The following EDA variants were observed in gnomAD, a reference collection of about 807,000 sequenced individuals.
EDA encodes ectodysplasin-A.
A neutral mutation model predicts 23.6 loss-of-function variants in EDA; 2 were observed. The ratio of observed to expected loss-of-function variants is 0.08; its 90% confidence interval spans 0.03 to 0.27. The LOEUF (loss-of-function observed/expected upper bound fraction) is 0.27. EDA is among the 10% of genes least tolerant of loss of function. The pLI, the probability that EDA is intolerant of heterozygous loss-of-function variation, is 1.00. For synonymous variants in EDA, 131 were observed against 132.0 expected (o/e 0.99, Z 0.05); for missense variants, 229 against 324.2 (o/e 0.71, Z 2.26).
At chrX:69,976,766 GA>G (rs1369300278) in intron 2 of EDA, among the ~76,000 whole-genome samples, 32 of 109,193 alleles carry the variant, frequency 2.9e-4, no homozygotes, top group African/African-American at 1.0e-3. Flanking sequence ...GTGACAGGGG[GA>G]GGGGGGGTGG....
intron 1 of EDA, among the ~76,000 whole-genome samples, chrX:69,821,520 G>T (rs1174139401): frequency 8.9e-6 from 1 of 112,045 alleles, no homozygotes; most frequent in Non-Finnish European, 1.9e-5. Context: ...GATCTTAAAT[G>T]GTTAGTCTCA....
intron 1 of EDA, among the ~76,000 whole-genome samples, chrX:69,668,585 AT>A (rs1387153606): frequency 1.8e-5 from 2 of 110,623 alleles, no homozygotes; most frequent in South Asian, 7.7e-4. Context: ...GTTCCCTACT[AT>A]TTTTTTTGGA....
chrX:70,014,702 C>T (rs1280449538), intron 2 of EDA, among the ~76,000 whole-genome samples: 3 of 112,069 alleles, frequency 2.7e-5, no homozygotes, highest in Admixed American at 1.9e-4. Context: ...ATGAAATAGA[C>T]ATTTTAAGAA....
intron 1 of EDA, among the ~76,000 whole-genome samples, chrX:69,659,786 T>C (rs938804617): frequency 2.7e-5 from 3 of 111,815 alleles, no homozygotes; most frequent in Non-Finnish European, 5.6e-5. Flanking sequence ...CTAAATGATC[T>C]GACTTTGTTC....
chrX:69,705,644 T>G (rs2011690351), intron 1 of EDA, among the ~76,000 whole-genome samples: 1 of 112,100 alleles, frequency 8.9e-6, no homozygotes, highest in Non-Finnish European at 1.9e-5. Flanking sequence ...CAAACTGAGG[T>G]AAATAGAGTG....
At chrX:69,816,862 C>T (rs2016093028) in intron 1 of EDA, among the ~76,000 whole-genome samples, 1 of 110,766 alleles carries the variant, frequency 9.0e-6, no homozygotes, top group African/African-American at 3.3e-5. Flanking sequence ...GCTGAGAACC[C>T]CAGGAAAATA....
intron 1 of EDA, among the ~76,000 whole-genome samples, chrX:69,726,261 A>C (rs1474789269): frequency 8.9e-6 from 1 of 112,288 alleles, no homozygotes; most frequent in South Asian, 3.7e-4. Context: ...AGCTTTCATC[A>C]ATTTCACAAT....
chrX:69,787,192 C>T (rs371968933), intron 1 of EDA, among the ~76,000 whole-genome samples: 10 of 99,417 alleles, frequency 1.0e-4, no homozygotes, highest in East Asian at 3.0e-4. Context: ...TGTCTCTGCA[C>T]GTGAGATGGG....
At chrX:70,027,499 C>G (rs2020123741) in intron 3 of EDA, among the ~76,000 whole-genome samples, 1 of 111,426 alleles carries the variant, frequency 9.0e-6, no homozygotes, top group Non-Finnish European at 1.9e-5. Flanking sequence ...GAACTCCTGA[C>G]AGTACACTCA....
chrX:69,937,360 A>T lies in EDA; in HGVS notation c.397-19667A>T, dbSNP rs2018688582. 1.7e-5 allele frequency: 11 copies of T among 630,803 alleles called. No individual in the cohort carries two copies. In the South Asian group the frequency reaches 2.0e-4, roughly 11 times the overall value. The allele number at this position is 630,803 out of a possible 1,213,427, so 52.0% of individuals were successfully genotyped here. On this transcript the variant is annotated intron_variant, in intron 1 of 7. Coordinates refer to ENST00000374552, the MANE Select transcript of EDA (RefSeq NM_001399.5). ...CCTGCCTGATGTGGTGGTCCTATCT[A>T]TGCCAGCTCTAACTGTTCTGCCACC...
intron 1 of EDA, among the ~76,000 whole-genome samples, chrX:69,951,087 A>G (rs924704222): frequency 2.3e-5 from 2 of 88,167 alleles, no homozygotes; most frequent in South Asian, 6.4e-4. Context: ...AACTTAAAGT[A>G]TAATAATAAT....
chrX:69,891,246 A>G lies in EDA; in HGVS notation c.397-65781A>G, dbSNP rs969478934. Among the ~76,000 whole-genome samples the G allele has an allele frequency of 2.7e-5, 3 of 111,761 alleles. No homozygotes were observed. In the Admixed American group the frequency reaches 2.8e-4, roughly 11 times the overall value. On this transcript the variant is annotated intron_variant, in intron 1 of 7. Coordinates refer to ENST00000374552, the MANE Select transcript of EDA (RefSeq NM_001399.5). Reference sequence around the variant, plus strand: ...ACGTCAAAAATAACAGATGCTGGCAAGGTTGTGGAGAAAAACAAACACTTT... The same window carrying G: ...ACGTCAAAAATAACAGATGCTGGCAGGGTTGTGGAGAAAAACAAACACTTT...
intron 2 of EDA, among the ~76,000 whole-genome samples, chrX:70,021,677 G>A (rs1003391493): frequency 5.4e-5 from 6 of 111,935 alleles, no homozygotes; most frequent in Non-Finnish European, 9.4e-5. Flanking sequence ...GAAGAGAGAA[G>A]GAAAAGAGAA....
intron 1 of EDA, among the ~76,000 whole-genome samples, chrX:69,782,991 C>T (rs991504589): frequency 9.8e-5 from 11 of 111,774 alleles, no homozygotes; most frequent in Non-Finnish European, 1.7e-4. Context: ...CACCAGGTCA[C>T]AGAAATAGTC....
At chrX:69,883,216 A>G (rs2017777211) in intron 1 of EDA, among the ~76,000 whole-genome samples, 1 of 111,948 alleles carries the variant, frequency 8.9e-6, no homozygotes, top group Admixed American at 9.5e-5. Flanking sequence ...CTTCTGATGC[A>G]TGTCTTTCAA....
Position 70,037,046 on chromosome X carries a change from T to C in EDA, c.*1437T>C, listed in dbSNP as rs190090784. ...CCAAGCTTCCCAACAGATCATATGG[T>C]AGGACCCTCGAGAGCCTTACTTCAA... On this transcript the variant is annotated 3_prime_UTR_variant, in exon 8 of 8. Coordinates refer to ENST00000374552, the MANE Select transcript of EDA (RefSeq NM_001399.5). The C allele has an allele frequency of 8.9e-6, 1 of 112,074 alleles. No homozygotes were observed. Among genetic ancestry groups the C allele is most frequent in the Non-Finnish European group, 1.9e-5 (1 of 53,188 alleles). The allele number at this position is 112,074 out of a possible 1,213,427, so 9.2% of individuals were successfully genotyped here. A position where few individuals can be genotyped will look rare whatever the true frequency, so the allele number is the denominator to read the frequency against.
At chrX:69,727,071 T>C (rs767042055) in intron 1 of EDA, among the ~76,000 whole-genome samples, 1 of 110,983 alleles carries the variant, frequency 9.0e-6, no homozygotes, top group Admixed American at 9.5e-5. Context: ...TTTTATTGAG[T>C]GGTGGAGTGG....
At chrX:69,625,134 G>A (rs1380897073) in intron 1 of EDA, among the ~76,000 whole-genome samples, 1 of 110,983 alleles carries the variant, frequency 9.0e-6, no homozygotes, top group Non-Finnish European at 1.9e-5. Flanking sequence ...ACAGATTAGA[G>A]GGGATTCCTG....
chrX:69,930,306 A>C (rs1430614920), intron 1 of EDA, among the ~76,000 whole-genome samples: 3 of 111,858 alleles, frequency 2.7e-5, no homozygotes, highest in Non-Finnish European at 5.6e-5. Context: ...CTCTGAATAT[A>C]GAAATGGGTG....
Sources: allele counts gnomAD v4.1 joint callset (sites outside exome capture counted in the v4.1 genomes callset), GRCh38; gene constraint gnomAD v4.1.1; transcripts MANE v1.5; gene names NCBI Gene and HGNC (gene_info 2026-07-23, HGNC 2026-07-21).